ANO10: variants seen among roughly 807,000 people sequenced by gnomAD.
ANO10 encodes anoctamin 10.
In ANO10, 77 loss-of-function variants were observed where a neutral mutation model predicts 74.7. That is an observed-to-expected ratio of 1.03 (90% CI 0.86 to 1.25). The LOEUF (loss-of-function observed/expected upper bound fraction) is 1.25, where lower values mean the gene tolerates loss of function less well. ANO10 is among the 50% of genes most tolerant of loss of function. ANO10 has a pLI of 0.00. For missense variants in ANO10, 721 were observed against 778.1 expected (o/e 0.93, Z 0.87); for synonymous variants, 279 against 284.9 (o/e 0.98, Z 0.21).
rs147005329 is a variant in ANO10 at position 43,444,523 on chromosome 3, T to C, written c.1798-11796A>G. ...CTAAGGCCTACAAAGCAAAGTGATA[T>C]CTTAAGATTATGATTTCATTCTACT... is the stretch of plus-strand genomic sequence containing the variant. On this transcript the variant is annotated intron_variant, in intron 11 of 12. Coordinates refer to ENST00000292246, the MANE Select transcript of ANO10 (RefSeq NM_018075.5). Among the ~76,000 whole-genome samples the C allele has an allele frequency of 3.0e-3, 453 of 152,332 alleles. 1 individual carries two copies. Among genetic ancestry groups the C allele is most frequent in the African/African-American group, 0.01 (431 of 41,566 alleles).
chr3:43,574,792 A>G lies in ANO10; in HGVS notation c.1218+17T>C, dbSNP rs1306050269. On this transcript the variant is annotated intron_variant, in intron 7 of 12. Coordinates refer to ENST00000292246, the MANE Select transcript of ANO10 (RefSeq NM_018075.5). Reference sequence around the variant, plus strand: ...CCAGTTTCATAAAATGGATTTGTACATAAACGCTGTACTTACCACTAAAAC... The same window carrying G: ...CCAGTTTCATAAAATGGATTTGTACGTAAACGCTGTACTTACCACTAAAAC... 2 of 1,606,392 alleles carry G rather than the reference A, an allele frequency of 1.2e-6. No homozygotes were observed. The highest frequency in any genetic ancestry group is 2.7e-5 in the African/African-American group (2 of 74,762).
chr3:43,611,080 C>T (rs1487335589), intron 1 of ANO10, among the ~76,000 whole-genome samples: 1 of 152,150 alleles, frequency 6.6e-6, no homozygotes, highest in African/African-American at 2.4e-5. Context: ...TCTAAGTACA[C>T]GGCTAGGCTA....
At chr3:43,428,781 G>A (rs2092935411) in intron 12 of ANO10, among the ~76,000 whole-genome samples, 1 of 48,616 alleles carries the variant, frequency 2.1e-5, no homozygotes, top group African/African-American at 6.7e-5. Context: ...CCAAAATCCT[G>A]AAACTTTGTG....
chr3:43,598,493 TG>T, intron 4 of ANO10, 38 bp downstream of exon 4: 1 of 1,605,210 alleles, frequency 6.2e-7, no homozygotes, highest in East Asian at 2.2e-5. Context: ...TTGCTATTTA[TG>T]TCTATTAAGA....
intron 11 of ANO10, among the ~76,000 whole-genome samples, chr3:43,539,863 A>C (rs547170219): frequency 6.6e-6 from 1 of 152,174 alleles, no homozygotes; most frequent in African/African-American, 2.4e-5. Flanking sequence ...GTGTAAAACG[A>C]TCTCTTGCAG....
At chr3:43,429,775 G>A (rs1252266961) in intron 12 of ANO10, among the ~76,000 whole-genome samples, 1 of 152,048 alleles carries the variant, frequency 6.6e-6, no homozygotes, top group Admixed American at 6.6e-5. Flanking sequence ...GAATTTTATT[G>A]TATAGATATA....
chr3:43,411,396 G>A (rs1329089399), intron 12 of ANO10, among the ~76,000 whole-genome samples: 3 of 152,140 alleles, frequency 2.0e-5, no homozygotes, highest in Non-Finnish European at 2.9e-5. Flanking sequence ...CTATTTTGCA[G>A]CTGAGGGCTA....
intron 12 of ANO10, among the ~76,000 whole-genome samples, chr3:43,398,222 CT>C (rs2092417510): frequency 6.6e-6 from 1 of 152,188 alleles, no homozygotes; most frequent in Admixed American, 6.5e-5. Context: ...ACAACAAGGA[CT>C]CTTAAGACTT....
intron 11 of ANO10, among the ~76,000 whole-genome samples, chr3:43,439,774 G>A (rs551477829): frequency 5.3e-5 from 8 of 152,104 alleles, no homozygotes; most frequent in South Asian, 2.1e-4. Flanking sequence ...CAAGCTACTC[G>A]GGAGGCTGGG....
intron 1 of ANO10, chr3:43,691,388 G>C: frequency 5.2e-6 from 1 of 192,498 alleles, no homozygotes; most frequent in East Asian, 1.3e-4. Context: ...CTCGGGCTCT[G>C]CCAAGGGACC....
rs913457433 is a variant in ANO10, at chr3:43,423,292, A to G, written c.1914+9319T>C. ...TTAAGACTCTTTTTTTTGTCCAAGG[A>G]CATCATTTGTCCTTATTTATTTAAT... On this transcript the variant is annotated intron_variant, in intron 12 of 12. Transcript: ENST00000292246. Among the ~76,000 whole-genome samples, 3 of 152,222 alleles carry G rather than the reference A, an allele frequency of 2.0e-5. No homozygotes were observed. In the East Asian group the frequency reaches 5.8e-4, roughly 29 times the overall value.
rs143866772 is a variant in ANO10 at position 43,611,331 on chromosome 3, C to A, written c.-11-5468G>T. ...ACCAATCCAGAATACCTGCCTTGAA[C>A]AGTTACATGAGTGAGAAATCTATTA... On this transcript the variant is annotated intron_variant, in intron 1 of 12. Coordinates refer to ENST00000292246, the MANE Select transcript of ANO10 (RefSeq NM_018075.5). Among the ~76,000 whole-genome samples the A allele has an allele frequency of 3.0e-3, 453 of 152,246 alleles. 1 individual carries two copies. Among genetic ancestry groups the A allele is most frequent in the African/African-American group, 0.011 (437 of 41,530 alleles).
At chr3:43,408,413 A>G (rs994185291) in intron 12 of ANO10, among the ~76,000 whole-genome samples, 2 of 152,232 alleles carry the variant, frequency 1.3e-5, no homozygotes, top group Non-Finnish European at 2.9e-5. Flanking sequence ...ACATAAGGGA[A>G]ACCAGCAGCA....
chr3:43,480,754 C>A (rs1453164714), intron 11 of ANO10, among the ~76,000 whole-genome samples: 1 of 151,980 alleles, frequency 6.6e-6, no homozygotes, highest in African/African-American at 2.4e-5. Flanking sequence ...CCAGAAATAC[C>A]CTCTCCAAGG....
At chr3:43,541,827 T>C (rs7428158) in intron 11 of ANO10, among the ~76,000 whole-genome samples, 38,486 of 152,110 alleles carry the variant, frequency 0.25, 5,257 homozygotes, top group Middle Eastern at 0.38. Context: ...ACAGTTTTAG[T>C]AAATGATAAC....
intron 9 of ANO10, among the ~76,000 whole-genome samples, chr3:43,558,443 G>T (rs1190360801): frequency 3.3e-5 from 5 of 152,020 alleles, no homozygotes; most frequent in African/African-American, 1.2e-4. Context: ...CTTAGTCCTG[G>T]GCTGGTGGAA....
At position 43,602,075 on chromosome 3, in the gene ANO10, G is replaced by A. The variant is rs561826816; in HGVS notation, c.140-1494C>T. On this transcript the variant is annotated intron_variant, in intron 2 of 12. Transcript: ENST00000292246. ...GCTGTTAGTTTCTCCGAACTGGGCT[G>A]TGGTCTGAGGCTCTTCCTACTCAAT... Among the ~76,000 whole-genome samples, 90 of 152,310 alleles carry A rather than the reference G, an allele frequency of 5.9e-4. 4 individuals carry two copies. In the South Asian group the frequency reaches 0.018, roughly 31 times the overall value.
chr3:43,633,995 C>CAAAA (rs5848667), intron 1 of ANO10, among the ~76,000 whole-genome samples: 14 of 123,994 alleles, frequency 1.1e-4, no homozygotes, highest in African/African-American at 2.8e-4. Flanking sequence ...TCATGGACAG[C>CAAAA]AAAAAAAAAA....
chr3:43,441,282 C>A (rs2093155740), intron 11 of ANO10, among the ~76,000 whole-genome samples: 2 of 150,682 alleles, frequency 1.3e-5, no homozygotes, highest in African/African-American at 4.9e-5. Flanking sequence ...ATTAACAAAT[C>A]CTTAGCTAGA....
Sources: allele counts gnomAD v4.1 joint callset (sites outside exome capture counted in the v4.1 genomes callset), GRCh38; gene constraint gnomAD v4.1.1; transcripts MANE v1.5; gene names NCBI Gene and HGNC (gene_info 2026-07-23, HGNC 2026-07-21).